EPB41L5: variants seen among roughly 807,000 people sequenced by gnomAD.
EPB41L5 encodes erythrocyte membrane protein band 4.1 like 5, also known as band 4.1-like protein 5.
Under a neutral mutation model 106.6 loss-of-function variants are expected in EPB41L5, and 55 were observed. The observed-to-expected ratio is 0.52, with a 90% CI of 0.42 to 0.65. The LOEUF is 0.65. Among genes scored for constraint, EPB41L5 ranks in the 30% least tolerant of loss-of-function variants. The pLI, the probability that EPB41L5 is intolerant of heterozygous loss-of-function variation, is 0.00. For missense variants in EPB41L5, 871 were observed against 882.1 expected (o/e 0.99, Z 0.16); for synonymous variants, 297 against 306.7 (o/e 0.97, Z 0.33).
At chr2:120,119,643 A>T (rs560728123) in intron 16 of EPB41L5, among the ~76,000 whole-genome samples, 23 of 146,610 alleles carry the variant, frequency 1.6e-4, no homozygotes, top group Admixed American at 3.4e-4. Flanking sequence ...CTTTTTTTTT[A>T]ACACATGCCA....
chr2:120,160,629 G>C (rs1229653922), intron 20 of EPB41L5: 1 of 416,792 alleles, frequency 2.4e-6, no homozygotes, highest in African/African-American at 2.0e-5. Flanking sequence ...CAGCGTAAGA[G>C]GGTTACCCTT....
At chr2:120,057,545 A>G (rs963082590) in intron 3 of EPB41L5, among the ~76,000 whole-genome samples, 28 of 152,180 alleles carry the variant, frequency 1.8e-4, no homozygotes, top group African/African-American at 6.5e-4. Flanking sequence ...TGAATAACCT[A>G]TAGCTTAAGG....
rs945380264 is a variant in EPB41L5 at position 120,143,217 on chromosome 2, C to T, written c.1728+86C>T. The stretch of plus-strand genomic sequence containing the variant: ...GCCTTCCCCAACTCTAAATTCTAAT[C>T]AAGCTAGATTAATGGTGCAGTCAGG... On this transcript the variant is annotated intron_variant, in intron 19 of 24. Coordinates refer to ENST00000263713, the MANE Select transcript of EPB41L5 (RefSeq NM_020909.4). The T allele has an allele frequency of 1.7e-5, 22 of 1,300,366 alleles. No homozygotes were observed. In the African/African-American group the frequency reaches 3.2e-4, roughly 19 times the overall value. 80.6% of individuals were successfully genotyped at this position (1,300,366 alleles called of 1,614,324 possible).
intron 20 of EPB41L5, among the ~76,000 whole-genome samples, chr2:120,147,624 CAAAAAAAAAAAAA>C (rs60980401): frequency 1.3e-5 from 1 of 75,596 alleles, no homozygotes. Flanking sequence ...AACTCTGTCT[CAAAAAAAAAAAAA>C]AAAAAAAAAG....
chr2:120,083,048 A>G (rs1206419855), intron 10 of EPB41L5, among the ~76,000 whole-genome samples: 1 of 150,402 alleles, frequency 6.6e-6, no homozygotes, highest in Non-Finnish European at 1.5e-5. Flanking sequence ...ATCTTTTCAA[A>G]AAACAACCAG....
chr2:120,094,895 G>T (rs1683643115), intron 14 of EPB41L5, among the ~76,000 whole-genome samples: 2 of 151,970 alleles, frequency 1.3e-5, no homozygotes. Flanking sequence ...TTCCATAATG[G>T]GTAGAGGACA....
chr2:120,093,251 T>A lies in EPB41L5; in HGVS notation c.1153T>A (p.Cys385Ser), dbSNP rs201920312. ...YSRRTLQMKA[C>S]ATKPEELSVH... is the part of the protein sequence containing the mutation. The stretch of plus-strand genomic sequence containing the variant: ...TGTTATCTTTTTTCTTCTGTTAGCA[T>A]GTGCTACAAAACCTGAAGAACTTAG... The change falls in exon 14 of 25, where the codon TGT becomes AGT. Residue 385 changes from cysteine to serine, a missense_variant and splice_region_variant. Transcript: ENST00000263713. The A allele has an allele frequency of 6.2e-7, 1 of 1,613,600 alleles. No individual in the cohort carries two copies. The highest frequency in any genetic ancestry group is 1.7e-5 in the Admixed American group (1 of 60,028).
At chr2:120,131,239 A>C (rs184573241) in intron 17 of EPB41L5, among the ~76,000 whole-genome samples, 2 of 152,228 alleles carry the variant, frequency 1.3e-5, no homozygotes, top group Non-Finnish European at 2.9e-5. Flanking sequence ...CAAAGATGGC[A>C]AAGTGTTGAG....
chr2:120,068,760 C>T (rs779565696), intron 3 of EPB41L5, among the ~76,000 whole-genome samples: 1 of 151,798 alleles, frequency 6.6e-6, no homozygotes. Context: ...ACCCATCTCA[C>T]GGACAAAGAC....
intron 2 of EPB41L5, among the ~76,000 whole-genome samples, chr2:120,022,880 G>T (rs1431543127): frequency 2.6e-5 from 4 of 152,106 alleles, no homozygotes; most frequent in South Asian, 2.1e-4. Flanking sequence ...ATTCTAACTG[G>T]CATGAGATGG....
At chr2:120,135,285 C>T (rs1357607443) in intron 18 of EPB41L5, among the ~76,000 whole-genome samples, 1 of 151,874 alleles carries the variant, frequency 6.6e-6, no homozygotes, top group Non-Finnish European at 1.5e-5. Flanking sequence ...ATGAAGCACT[C>T]CTAGAAGATC....
chr2:120,081,011 A>G (rs1249380979), intron 10 of EPB41L5, among the ~76,000 whole-genome samples: 4 of 151,798 alleles, frequency 2.6e-5, no homozygotes. Context: ...AGATATTAGC[A>G]CTTTGTCAGA....
rs377649889 is a variant in EPB41L5, at chr2:120,019,067, G to T, written c.-8-10G>T. ...TTCCTGATGCCATCTTTTTCTCTCT[G>T]TTTTTATAGTGACAAAAATGCTGAG... On this transcript the variant is annotated splice_polypyrimidine_tract_variant and intron_variant, in intron 1 of 24. Transcript: ENST00000263713. 1.3e-6 allele frequency: 2 copies of T among 1,576,424 alleles called. No individual in the cohort carries two copies. Among genetic ancestry groups the T allele is most frequent in the Admixed American group, 3.7e-5 (2 of 53,928 alleles).
intron 3 of EPB41L5, among the ~76,000 whole-genome samples, chr2:120,071,459 C>T (rs1681861074): frequency 1.3e-5 from 2 of 150,976 alleles, no homozygotes; most frequent in South Asian, 4.2e-4. Flanking sequence ...GAAAAAGAGC[C>T]CGTATAGCCA....
intron 16 of EPB41L5, among the ~76,000 whole-genome samples, chr2:120,112,710 T>C (rs1684776477): frequency 6.6e-6 from 1 of 152,116 alleles, no homozygotes; most frequent in Non-Finnish European, 1.5e-5. Flanking sequence ...TGAATCAGGT[T>C]TGAGTAAAGA....
intron 21 of EPB41L5, among the ~76,000 whole-genome samples, chr2:120,163,163 G>A (rs917752148): frequency 6.6e-6 from 1 of 151,934 alleles, no homozygotes; most frequent in Non-Finnish European, 1.5e-5. Context: ...GCTGATGTGG[G>A]AGGATAGTGT....
intron 15 of EPB41L5, 77 bp from the exon 16 acceptor site, chr2:120,100,622 A>G (rs551770364): frequency 7.1e-6 from 7 of 983,584 alleles, no homozygotes; most frequent in African/African-American, 1.6e-5. Flanking sequence ...TGTAAATAGT[A>G]CTCCATTTTA....
intron 16 of EPB41L5, among the ~76,000 whole-genome samples, chr2:120,112,233 AT>A (rs1684756752): frequency 6.6e-6 from 1 of 152,192 alleles, no homozygotes; most frequent in South Asian, 2.1e-4. Flanking sequence ...TTATGAGAGT[AT>A]TAAGTGCATT....
chr2:120,018,588 A>G (rs1195912479), intron 1 of EPB41L5, among the ~76,000 whole-genome samples: 2 of 152,166 alleles, frequency 1.3e-5, no homozygotes, highest in Non-Finnish European at 2.9e-5. Context: ...ATATTTATGA[A>G]AAGCCAGTTT....
Sources: allele counts gnomAD v4.1 joint callset (sites outside exome capture counted in the v4.1 genomes callset), GRCh38; gene constraint gnomAD v4.1.1; transcripts MANE v1.5; gene names NCBI Gene and HGNC (gene_info 2026-07-23, HGNC 2026-07-21).